The following LGALSL variants were observed in gnomAD, a reference collection of about 807,000 sequenced individuals.
LGALSL encodes galectin like.
LGALSL carries 13 observed loss-of-function variants against 19.5 expected under a neutral mutation model. That is an observed-to-expected ratio of 0.67 (90% CI 0.43 to 1.06). The LOEUF (loss-of-function observed/expected upper bound fraction) is 1.06. Among genes scored for constraint, LGALSL ranks in the 50% least tolerant of loss-of-function variants. The pLI, the probability that LGALSL is intolerant of heterozygous loss-of-function variation, is 0.00. For missense variants in LGALSL, 189 were observed against 219.3 expected (o/e 0.86, Z 0.87); for synonymous variants, 86 against 78.3 (o/e 1.10, Z -0.52).
At position 64,458,531 on chromosome 2, in the gene LGALSL, A is replaced by C; in HGVS notation, c.*103A>C. On this transcript the variant is annotated 3_prime_UTR_variant, in exon 5 of 5. Coordinates refer to ENST00000238875, the MANE Select transcript of LGALSL (RefSeq NM_014181.3). ...GATCTGGAGACTTAAAAAGAAAACA[A>C]AAACAAATGGCAAGTTTCACTTAAG... 1 of 1,199,966 alleles carries C rather than the reference A, an allele frequency of 8.3e-7. No individual in the cohort carries two copies. Among genetic ancestry groups the C allele is most frequent in the Non-Finnish European group, 1.2e-6 (1 of 864,520 alleles). The allele number at this position is 1,199,966 out of a possible 1,614,324, so 74.3% of individuals were successfully genotyped here.
chr2:64,458,041 TA>T, intron 4 of LGALSL, among the ~76,000 whole-genome samples: 1 of 152,324 alleles, frequency 6.6e-6, no homozygotes, highest in South Asian at 2.1e-4. Flanking sequence ...ACACTACCAG[TA>T]ATTGAACTTT....
intron 4 of LGALSL, among the ~76,000 whole-genome samples, chr2:64,457,261 T>TA (rs527547525): frequency 0.077 from 11,136 of 145,008 alleles, 708 homozygotes; most frequent in African/African-American, 0.18. Flanking sequence ...ACCCTGCCTT[T>TA]AAAAAAAAAA....
rs141883484 is a variant in LGALSL, at chr2:64,458,317, A to G, written c.408A>G (p.Arg136=). 2,955 of 1,613,956 alleles carry G rather than the reference A, an allele frequency of 1.8e-3. 16 individuals carry two copies. Among genetic ancestry groups the G allele is most frequent in the South Asian group, 0.011 (1,024 of 91,048 alleles). ...VEILCEHPRF[R]VFVDGHQLFD... is the part of the protein sequence containing the mutation. Reference sequence around the variant, plus strand: ...TTCTTTGTGAGCACCCACGTTTCCGAGTGTTTGTGGATGGACACCAACTTT... The same window carrying G: ...TTCTTTGTGAGCACCCACGTTTCCGGGTGTTTGTGGATGGACACCAACTTT... The change falls in exon 5 of 5, where the codon CGA becomes CGG. Residue 136 remains arginine, a synonymous_variant. Transcript: ENST00000238875.
chr2:64,454,487 GC>G lies in LGALSL; in HGVS notation c.-55del. On this transcript the variant is annotated 5_prime_UTR_variant, in exon 1 of 5. Coordinates refer to ENST00000238875, the MANE Select transcript of LGALSL (RefSeq NM_014181.3). The surrounding 1 kb of genome is among the most constrained non-coding windows in gnomAD (Gnocchi z 5.1). ...CCCCGCCCCCGCCCCGCGCAGGACAGCCCCGGGATCCCCGCCCGCGCGCCGC... is the reference window on the plus strand; with the variant it reads ...CCCCGCCCCCGCCCCGCGCAGGACAGCCCGGGATCCCCGCCCGCGCGCCGC... 8.3e-7 allele frequency: 1 copy of G among 1,198,238 alleles called. No individual in the cohort carries two copies. 74.2% of individuals were successfully genotyped at this position (1,198,238 alleles called of 1,614,324 possible).
At position 64,454,978 on chromosome 2, in the gene LGALSL, A is replaced by G. The variant is rs1445308741; in HGVS notation, c.37-366A>G. Among the ~76,000 whole-genome samples, 1 of 152,086 alleles carries G rather than the reference A, an allele frequency of 6.6e-6. No homozygotes were observed. Among genetic ancestry groups the G allele is most frequent in the Non-Finnish European group, 1.5e-5 (1 of 67,996 alleles). On this transcript the variant is annotated intron_variant, in intron 1 of 4. Coordinates refer to ENST00000238875, the MANE Select transcript of LGALSL (RefSeq NM_014181.3). This position sits in a 1 kb window ranked among gnomAD's most constrained non-coding sequence, Gnocchi z 5.1. ...CCGGGGCTCCCGAGAGAAGTTGAGC[A>G]CGGCCGCTGCACTTCAGTCACGTCC...
chr2:64,456,360 G>A lies in LGALSL; in HGVS notation c.270G>A (p.Val90=), dbSNP rs1223643848. The change falls in exon 4 of 5, where the codon GTG becomes GTA. Residue 90 remains valine (V), a synonymous_variant. Transcript: ENST00000238875. ...ATGTGGCAATCGAACTCAAAGCTGT[G>A]TTCACAGATCGGCAGCTACTCAGAA... ...PADVAIELKA[V]FTDRQLLRNS... 1.9e-6 allele frequency: 3 copies of A among 1,612,176 alleles called. No individual in the cohort carries two copies. The African/African-American group carries it at 4.0e-5, about 22-fold the overall frequency.
intron 4 of LGALSL, among the ~76,000 whole-genome samples, 175 bp downstream of exon 4, chr2:64,456,640 C>G (rs1686741480): frequency 6.6e-6 from 1 of 152,148 alleles, no homozygotes; most frequent in South Asian, 2.1e-4. Flanking sequence ...TAAATTAACA[C>G]TTGCCATAGT....
Position 64,454,234 on chromosome 2 carries a change from A to G in LGALSL, c.-312A>G. 1 of 394,940 alleles carries G rather than the reference A, an allele frequency of 2.5e-6. No individual in the cohort carries two copies. Among genetic ancestry groups the G allele is most frequent in the Non-Finnish European group, 4.5e-6 (1 of 223,978 alleles). 24.5% of individuals were successfully genotyped at this position (394,940 alleles called of 1,614,324 possible). A position where few individuals can be genotyped will look rare whatever the true frequency, so the allele number is the denominator to read the frequency against. ...GGGCCGACGCGGCACGGCCCTCGCC[A>G]CTTTTCTTGGTCGGGCAGCGGCAGC... On this transcript the variant is annotated 5_prime_UTR_variant, in exon 1 of 5. Coordinates refer to ENST00000238875, the MANE Select transcript of LGALSL (RefSeq NM_014181.3). This position sits in a 1 kb window ranked among gnomAD's most constrained non-coding sequence, Gnocchi z 5.1.
In LGALSL at chr2:64,454,728, C is replaced by G; in HGVS notation, c.36+147C>G. On this transcript the variant is annotated intron_variant, in intron 1 of 4. Transcript: ENST00000238875. The surrounding 1 kb of genome is among the most constrained non-coding windows in gnomAD (Gnocchi z 5.1). Reference sequence around the variant, plus strand: ...AAGGCGCCCGGTACCTGTTAGCAGCCGCTGGCTGCGCGCGGCCGGTGTTAG... The same window carrying G: ...AAGGCGCCCGGTACCTGTTAGCAGCGGCTGGCTGCGCGCGGCCGGTGTTAG... The G allele has an allele frequency of 2.3e-6, 1 of 444,064 alleles. No individual in the cohort carries two copies. 27.5% of individuals were successfully genotyped at this position (444,064 alleles called of 1,614,324 possible). A position where few individuals can be genotyped will look rare whatever the true frequency, so the allele number is the denominator to read the frequency against.
intron 4 of LGALSL, 121 bp downstream of exon 4, chr2:64,456,586 C>T: frequency 1.4e-6 from 1 of 739,744 alleles, no homozygotes; most frequent in Non-Finnish European, 2.1e-6. Flanking sequence ...AATTTGTCAC[C>T]CAATGGTGAA....
chr2:64,458,360 A>G lies in LGALSL; in HGVS notation c.451A>G (p.Ile151Val). The G allele has an allele frequency of 1.2e-6, 2 of 1,614,044 alleles. No homozygotes were observed. Among genetic ancestry groups the G allele is most frequent in the Non-Finnish European group, 1.7e-6 (2 of 1,179,908 alleles). The stretch of plus-strand genomic sequence containing the variant: ...CCAACTTTTTGATTTTTACCATCGC[A>G]TTCAAACGTTATCTGCAATTGACAC... ...GHQLFDFYHR[I>V]QTLSAIDTIK... is the part of the protein sequence containing the mutation. The change falls in exon 5 of 5, where the codon ATT becomes GTT. Residue 151 changes from isoleucine (I) to valine (V), a missense_variant. Coordinates refer to ENST00000238875, the MANE Select transcript of LGALSL (RefSeq NM_014181.3).
chr2:64,454,531 G>A lies in LGALSL; in HGVS notation c.-15G>A, dbSNP rs1452034645. On this transcript the variant is annotated 5_prime_UTR_variant, in exon 1 of 5. Transcript: ENST00000238875. This position sits in a 1 kb window ranked among gnomAD's most constrained non-coding sequence, Gnocchi z 5.1. ...CGCGCCGCGTCCCACGTACCCCGCC[G>A]CGCCGGGCAAGAAGATGGCGGGATC... 1 of 1,420,702 alleles carries A rather than the reference G, an allele frequency of 7.0e-7. No homozygotes were observed. The highest frequency in any genetic ancestry group is 9.2e-7 in the Non-Finnish European group (1 of 1,082,126). The allele number at this position is 1,420,702 out of a possible 1,614,324, so 88.0% of individuals were successfully genotyped here.
rs539226855 is a variant in LGALSL at position 64,458,204 on chromosome 2, T to G, written c.376-81T>G. 19 of 1,347,410 alleles carry G rather than the reference T, an allele frequency of 1.4e-5. No homozygotes were observed. In the South Asian group the frequency reaches 2.3e-4, roughly 16 times the overall value. The allele number at this position is 1,347,410 out of a possible 1,614,324, so 83.5% of individuals were successfully genotyped here. On this transcript the variant is annotated intron_variant, in intron 4 of 4. Coordinates refer to ENST00000238875, the MANE Select transcript of LGALSL (RefSeq NM_014181.3). ...TTGTGAACCACTGAAGATACTGCCT[T>G]TCTTTCTCTAAAATGAAGTATTGTT...
intron 1 of LGALSL, 151 bp from the exon 2 acceptor site, chr2:64,455,193 G>A (rs1289523728): frequency 3.0e-6 from 2 of 669,440 alleles, no homozygotes; most frequent in Non-Finnish European, 5.4e-6. Context: ...CGGGGGTGAT[G>A]AGATTATCTA....
At position 64,454,559 on chromosome 2, in the gene LGALSL, T is replaced by C. The variant is rs748002648; in HGVS notation, c.14T>C (p.Val5Ala). 96 of 1,449,702 alleles carry C rather than the reference T, an allele frequency of 6.6e-5. No homozygotes were observed. The highest frequency in any genetic ancestry group is 7.8e-5 in the Non-Finnish European group (86 of 1,098,084). 89.8% of individuals were successfully genotyped at this position (1,449,702 alleles called of 1,614,324 possible). The change falls in exon 1 of 5, where the codon GTG becomes GCG. Residue 5 changes from valine to alanine, a missense_variant. Transcript: ENST00000238875. The surrounding 1 kb of genome is among the most constrained non-coding windows in gnomAD (Gnocchi z 5.1). MAGS[V>A]ADSDAVVKLD... ...CCGGGCAAGAAGATGGCGGGATCAG[T>C]GGCCGACAGCGATGCCGTGGTGGTG...
chr2:64,454,647 C>T lies in LGALSL; in HGVS notation c.36+66C>T. 3 of 1,180,162 alleles carry T rather than the reference C, an allele frequency of 2.5e-6. No individual in the cohort carries two copies. The highest frequency in any genetic ancestry group is 3.3e-6 in the Non-Finnish European group (3 of 922,150). The allele number at this position is 1,180,162 out of a possible 1,614,324, so 73.1% of individuals were successfully genotyped here. On this transcript the variant is annotated intron_variant, in intron 1 of 4. Transcript: ENST00000238875. The surrounding 1 kb of genome is among the most constrained non-coding windows in gnomAD (Gnocchi z 5.1). Reference sequence around the variant, plus strand: ...GTCCCGCACTCCGCCGCCGCCTGCTCCAGCAGTGCTGGGGTGCTGAGCAGC... The same window carrying T: ...GTCCCGCACTCCGCCGCCGCCTGCTTCAGCAGTGCTGGGGTGCTGAGCAGC...
In LGALSL at chr2:64,454,910, C is replaced by T. The variant is rs1424187720; in HGVS notation, c.36+329C>T. On this transcript the variant is annotated intron_variant, in intron 1 of 4. Coordinates refer to ENST00000238875, the MANE Select transcript of LGALSL (RefSeq NM_014181.3). This position sits in a 1 kb window ranked among gnomAD's most constrained non-coding sequence, Gnocchi z 5.1. ...GTCCGGGGCGCGCGCCCCGCCACCG[C>T]CCCCGACGTACCGGGGATTCCCCCT... Among the ~76,000 whole-genome samples, 1 of 152,130 alleles carries T rather than the reference C, an allele frequency of 6.6e-6. No homozygotes were observed. The highest frequency in any genetic ancestry group is 1.5e-5 in the Non-Finnish European group (1 of 67,988).
rs1237061527 is a variant in LGALSL, at chr2:64,454,661, G to A, written c.36+80G>A. On this transcript the variant is annotated intron_variant, in intron 1 of 4. Transcript: ENST00000238875. The surrounding 1 kb of genome is among the most constrained non-coding windows in gnomAD (Gnocchi z 5.1). The stretch of plus-strand genomic sequence containing the variant: ...CGCCGCCTGCTCCAGCAGTGCTGGG[G>A]TGCTGAGCAGCCGCAGGCCCGGCCG... 7.6e-5 allele frequency: 80 copies of A among 1,049,540 alleles called. No individual in the cohort carries two copies. Among genetic ancestry groups the A allele is most frequent in the Non-Finnish European group, 9.4e-5 (77 of 823,184 alleles). 65.0% of individuals were successfully genotyped at this position (1,049,540 alleles called of 1,614,324 possible).
In LGALSL at chr2:64,456,462, C is replaced by G; in HGVS notation, c.372C>G (p.Phe124Leu). 1 of 1,571,624 alleles carries G rather than the reference C, an allele frequency of 6.4e-7. No individual in the cohort carries two copies. Among genetic ancestry groups the G allele is most frequent in the Non-Finnish European group, 8.6e-7 (1 of 1,158,188 alleles). Residue 124 changes from phenylalanine (F) to leucine (L), a missense_variant, in exon 4 of 5, where the codon TTC (phenylalanine) becomes TTG (leucine). Physicochemically the swap from Phe to Leu is conservative, Grantham distance 22 (BLOSUM62 0). Coordinates refer to ENST00000238875, the MANE Select transcript of LGALSL (RefSeq NM_014181.3). Reference sequence around the variant, plus strand: ...TTCCATTCATTCCAGACCAGCCATTCAGGGTGAGTACCTCGAGTGCCTCGG... The same window carrying G: ...TTCCATTCATTCCAGACCAGCCATTGAGGGTGAGTACCTCGAGTGCCTCGG... ...PYFPFIPDQP[F>L]RVEILCEHPR... is the part of the protein sequence containing the mutation.
Sources: allele counts gnomAD v4.1 joint callset (sites outside exome capture counted in the v4.1 genomes callset), GRCh38; gene constraint gnomAD v4.1.1; non-coding constraint Gnocchi (gnomAD v3.1); transcripts MANE v1.5; gene names NCBI Gene and HGNC (gene_info 2026-07-23, HGNC 2026-07-21).